Variants in CACNA2D3 observed in about 807,000 individuals in gnomAD.
CACNA2D3 encodes voltage-dependent calcium channel subunit alpha-2/delta-3.
CACNA2D3 carries 60 observed loss-of-function variants against 160.6 expected under a neutral mutation model. That is an observed-to-expected ratio of 0.37 (90% confidence interval 0.30 to 0.46). CACNA2D3 has a LOEUF of 0.46. Among genes scored for constraint, CACNA2D3 ranks in the 20% least tolerant of loss-of-function variants. The probability of loss-of-function intolerance (pLI) is 1.00; values close to 1 mark genes in which losing one functional copy is unlikely to be tolerated. For synonymous variants in CACNA2D3, 558 were observed against 492.9 expected, an observed-to-expected ratio of 1.13 and a Z score of -1.75; for missense variants, 1,205 against 1,365.0, an observed-to-expected ratio of 0.88 and a Z score of 1.85.
intron 2 of CACNA2D3, among the ~76,000 whole-genome samples, chr3:54,300,459 C>T (rs1314378012): frequency 3.3e-5 from 5 of 152,234 alleles, no homozygotes; most frequent in Non-Finnish European, 5.9e-5. Context: ...TCTATAGCTT[C>T]TTCGCCTTCA....
intron 24 of CACNA2D3, among the ~76,000 whole-genome samples, chr3:54,890,428 G>A (rs1382402956): frequency 1.1e-4 from 17 of 150,736 alleles, no homozygotes; most frequent in Admixed American, 3.3e-4. Flanking sequence ...CCCGGGAGGC[G>A]GAGCTTGCAG....
chr3:54,288,531 C>T (rs1204421519), intron 2 of CACNA2D3, among the ~76,000 whole-genome samples: 1 of 152,084 alleles, frequency 6.6e-6, no homozygotes, highest in East Asian at 1.9e-4. Flanking sequence ...GAAACTATTC[C>T]AATCAATAGA....
At chr3:54,203,074 C>T (rs1409282282) in intron 2 of CACNA2D3, among the ~76,000 whole-genome samples, 6 of 152,160 alleles carry the variant, frequency 3.9e-5, no homozygotes, top group Non-Finnish European at 5.9e-5. Context: ...CGACTGGCCA[C>T]GTGGTACCCA....
intron 2 of CACNA2D3, among the ~76,000 whole-genome samples, chr3:54,153,330 A>G (rs1258152921): frequency 6.6e-6 from 1 of 152,244 alleles, no homozygotes; most frequent in African/African-American, 2.4e-5. Context: ...AGACAGTGAA[A>G]GCAGACAGTT....
chr3:54,402,607 C>T (rs1306657948), intron 4 of CACNA2D3, among the ~76,000 whole-genome samples: 1 of 152,108 alleles, frequency 6.6e-6, no homozygotes, highest in African/African-American at 2.4e-5. Context: ...AATATATATG[C>T]ACCCAATCTG....
At chr3:54,764,689 A>G (rs560669099) in intron 13 of CACNA2D3, among the ~76,000 whole-genome samples, 3 of 152,306 alleles carry the variant, frequency 2.0e-5, no homozygotes, top group Admixed American at 2.0e-4. Flanking sequence ...TGTCCTCACC[A>G]TATATGAGCC....
chr3:54,148,057 A>G (rs536020965), intron 2 of CACNA2D3, among the ~76,000 whole-genome samples: 1 of 152,308 alleles, frequency 6.6e-6, no homozygotes, highest in Non-Finnish European at 1.5e-5. Context: ...TTGGCGTCCC[A>G]AAGTGCTGGG....
chr3:54,344,772 C>T (rs915155115), intron 3 of CACNA2D3, among the ~76,000 whole-genome samples: 1 of 152,152 alleles, frequency 6.6e-6, no homozygotes, highest in African/African-American at 2.4e-5. Context: ...TAATTAGGAG[C>T]TGGGTAAAAT....
At chr3:54,186,783 G>A (rs1700886094) in intron 2 of CACNA2D3, among the ~76,000 whole-genome samples, 1 of 152,076 alleles carries the variant, frequency 6.6e-6, no homozygotes, top group Non-Finnish European at 1.5e-5. Flanking sequence ...GAATTAAATG[G>A]GAATGAGACC....
At chr3:54,424,427 G>T (rs776499121) in intron 4 of CACNA2D3, among the ~76,000 whole-genome samples, 6 of 152,150 alleles carry the variant, frequency 3.9e-5, no homozygotes, top group Non-Finnish European at 8.8e-5. Context: ...GAATCTGTTG[G>T]TGTTTTTGCC....
rs145677818 is a variant in CACNA2D3, at chr3:54,984,581, G to GT, written c.2557-22dup. The GT allele has an allele frequency of 2.7e-3, 3,774 of 1,397,246 alleles. 63 individuals carry two copies. The African/African-American group carries it at 0.051, about 19-fold the overall frequency. The allele number at this position is 1,397,246 out of a possible 1,614,324, so 86.6% of individuals were successfully genotyped here. On this transcript the variant is annotated intron_variant, in intron 29 of 37. Coordinates refer to ENST00000474759, the MANE Select transcript of CACNA2D3 (RefSeq NM_018398.3). ...GGCCCGAAGTTGAAGCTGTTTTTTTGTTTTTGTTTTTTTTTTAATTTTCTA... is the reference window on the plus strand; with the variant it reads ...GGCCCGAAGTTGAAGCTGTTTTTTTGTTTTTTGTTTTTTTTTTAATTTTCTA...
intron 3 of CACNA2D3, among the ~76,000 whole-genome samples, chr3:54,349,098 G>A (rs1698507783): frequency 6.6e-6 from 1 of 152,192 alleles, no homozygotes; most frequent in Non-Finnish European, 1.5e-5. Flanking sequence ...CAGGGAGGGA[G>A]AGAGAAAATG....
At chr3:54,723,282 G>A (rs1227196962) in intron 11 of CACNA2D3, among the ~76,000 whole-genome samples, 1 of 151,364 alleles carries the variant, frequency 6.6e-6, no homozygotes, top group Non-Finnish European at 1.5e-5. Context: ...GACTGCTGCT[G>A]TGCTGGCAGT....
intron 31 of CACNA2D3, among the ~76,000 whole-genome samples, chr3:54,999,368 C>A (rs1313992155): frequency 6.6e-6 from 1 of 152,194 alleles, no homozygotes; most frequent in Non-Finnish European, 1.5e-5. Flanking sequence ...CTCCCCCATG[C>A]CTTTTCAATT....
intron 3 of CACNA2D3, among the ~76,000 whole-genome samples, chr3:54,329,988 A>G (rs1323561583): frequency 2.0e-5 from 3 of 152,138 alleles, no homozygotes; most frequent in Non-Finnish European, 2.9e-5. Flanking sequence ...ATGAGGGGGA[A>G]AATGAAAAGA....
intron 27 of CACNA2D3, among the ~76,000 whole-genome samples, chr3:54,922,933 C>T (rs938089229): frequency 1.3e-5 from 2 of 152,128 alleles, no homozygotes; most frequent in African/African-American, 4.8e-5. Flanking sequence ...TTCTCTTAGT[C>T]ATCCACTCCA....
intron 2 of CACNA2D3, among the ~76,000 whole-genome samples, chr3:54,293,871 T>C (rs1489505560): frequency 6.6e-6 from 1 of 152,134 alleles, no homozygotes; most frequent in East Asian, 1.9e-4. Context: ...TTGATTGTGG[T>C]GGTGGTTACA....
intron 13 of CACNA2D3, among the ~76,000 whole-genome samples, chr3:54,771,765 A>G (rs960295096): frequency 1.3e-5 from 2 of 152,080 alleles, no homozygotes; most frequent in African/African-American, 2.4e-5. Flanking sequence ...TAATTATACC[A>G]GGGATATCCC....
rs560519243 is a variant in CACNA2D3, at chr3:54,413,036, A to G, written c.381+26262A>G. 2.0e-5 allele frequency among the ~76,000 whole-genome samples: 3 copies of G among 151,988 alleles called. No individual in the cohort carries two copies. In the East Asian group the frequency reaches 5.8e-4, roughly 29 times the overall value. ...CCATTTGTTATTTCTCTTCAGCTTA[A>G]AGACCCCTTTTAGCAATTTTTAATT... On this transcript the variant is annotated intron_variant, in intron 4 of 37. Transcript: ENST00000474759.
Sources: allele counts gnomAD v4.1 joint callset (sites outside exome capture counted in the v4.1 genomes callset), GRCh38; gene constraint gnomAD v4.1.1; transcripts MANE v1.5; gene names NCBI Gene and HGNC (gene_info 2026-07-23, HGNC 2026-07-21).